The following ATF7 variants were observed in gnomAD, a reference collection of about 807,000 sequenced individuals.
ATF7 encodes cyclic AMP-dependent transcription factor ATF-7.
Under a neutral mutation model 50.4 loss-of-function variants are expected in ATF7, and 10 were observed. The ratio of observed to expected loss-of-function variants is 0.20; its 90% confidence interval spans 0.12 to 0.34. The LOEUF is 0.34. ATF7 is among the 10% of genes least tolerant of loss of function. The probability of loss-of-function intolerance (pLI) is 1.00; values close to 1 mark genes in which losing one functional copy is unlikely to be tolerated. For missense variants in ATF7, 465 were observed against 613.9 expected, an observed-to-expected ratio of 0.76 and a Z score of 2.56; for synonymous variants, 201 against 226.4, an observed-to-expected ratio of 0.89 and a Z score of 1.01.
chr12:53,586,329 A>C (rs1942678275), intron 2 of ATF7, among the ~76,000 whole-genome samples: 1 of 152,190 alleles, frequency 6.6e-6, no homozygotes, highest in African/African-American at 2.4e-5. Flanking sequence ...AAAATACCTG[A>C]AACTGAAGTA....
At chr12:53,619,517 A>C (rs1944289779) in intron 1 of ATF7, among the ~76,000 whole-genome samples, 2 of 150,896 alleles carry the variant, frequency 1.3e-5, no homozygotes, top group Admixed American at 6.6e-5. Flanking sequence ...AAAAAAAAGA[A>C]GAGTTTCCAA....
chr12:53,560,081 C>T (rs912613215), intron 2 of ATF7, among the ~76,000 whole-genome samples: 3 of 151,976 alleles, frequency 2.0e-5, no homozygotes, highest in Admixed American at 6.6e-5. Context: ...TGCCACCACA[C>T]CCGGCTAATT....
At chr12:53,586,059 T>C (rs1942667090) in intron 2 of ATF7, among the ~76,000 whole-genome samples, 1 of 152,214 alleles carries the variant, frequency 6.6e-6, no homozygotes, top group Non-Finnish European at 1.5e-5. Flanking sequence ...CATAAGGTCC[T>C]GTCTAGTTAT....
chr12:53,531,985 A>C (rs1402445372), intron 8 of ATF7, 89 bp from the exon 9 acceptor site: 1 of 1,437,704 alleles, frequency 7.0e-7, no homozygotes, highest in African/African-American at 1.4e-5. Context: ...TATTGACCTT[A>C]TAGATAGCTA....
chr12:53,552,555 G>A lies in ATF7; in HGVS notation c.131C>T (p.Ser44Leu), dbSNP rs748832822. The change falls in exon 3 of 12, where the codon TCA becomes TTA. Residue 44 changes from serine (S) to leucine (L), a missense_variant. Coordinates refer to ENST00000420353, the MANE Select transcript of ATF7 (RefSeq NM_006856.3). ...TLKFGPARTD[S>L]VIIADQTPTP... ...GCAGCAAATACCTGCAATGATGACTGAGTCAGTTCGGGCTGGGCCAAATTT... is the reference window on the plus strand; with the variant it reads ...GCAGCAAATACCTGCAATGATGACTAAGTCAGTTCGGGCTGGGCCAAATTT... 8 of 1,613,770 alleles carry A rather than the reference G, an allele frequency of 5.0e-6. No homozygotes were observed. In the South Asian group the frequency reaches 7.7e-5, roughly 16 times the overall value.
intron 1 of ATF7, among the ~76,000 whole-genome samples, chr12:53,611,588 TTTTTC>T (rs750217895): frequency 6.6e-6 from 1 of 152,112 alleles, no homozygotes; most frequent in Non-Finnish European, 1.5e-5. Flanking sequence ...AGTTTTTACA[TTTTTC>T]TTTTCTTTTC....
intron 7 of ATF7, 84 bp downstream of exon 7, chr12:53,533,076 G>T (rs1391642202): frequency 8.1e-7 from 1 of 1,235,886 alleles, no homozygotes; most frequent in Non-Finnish European, 1.2e-6. Context: ...TTTCCCTGGG[G>T]CTCATGTGTA....
chr12:53,610,465 T>C (rs1026220912), intron 1 of ATF7, among the ~76,000 whole-genome samples: 1 of 148,852 alleles, frequency 6.7e-6, no homozygotes, highest in African/African-American at 2.5e-5. Flanking sequence ...CTTGGGAGGG[T>C]GAGGTGGGAG....
intron 2 of ATF7, among the ~76,000 whole-genome samples, chr12:53,572,578 G>T (rs1348603789): frequency 2.6e-5 from 4 of 152,158 alleles, no homozygotes; most frequent in Non-Finnish European, 4.4e-5. Flanking sequence ...AAAGGGAAAA[G>T]TACAGTAGCC....
chr12:53,546,977 C>CTT (rs565759569), intron 3 of ATF7, among the ~76,000 whole-genome samples: 8 of 116,454 alleles, frequency 6.9e-5, no homozygotes, highest in Non-Finnish European at 9.2e-5. Context: ...CAGGCTGGCT[C>CTT]TTTTTTTTTT....
chr12:53,567,145 A>T (rs1359736499), intron 2 of ATF7, among the ~76,000 whole-genome samples: 4 of 152,164 alleles, frequency 2.6e-5, no homozygotes, highest in Non-Finnish European at 5.9e-5. Context: ...ATTCTACTTC[A>T]TTTTCTATCT....
intron 1 of ATF7, among the ~76,000 whole-genome samples, chr12:53,616,323 A>G (rs1316795661): frequency 6.6e-6 from 1 of 152,134 alleles, no homozygotes; most frequent in Non-Finnish European, 1.5e-5. Context: ...CCCAGGCTCA[A>G]GTAATCCTCC....
At chr12:53,609,161 T>TG (rs1943738538) in intron 1 of ATF7, among the ~76,000 whole-genome samples, 1 of 151,136 alleles carries the variant, frequency 6.6e-6, no homozygotes, top group East Asian at 1.9e-4. Context: ...TTTTTCCTTT[T>TG]TTTTTTTTTT....
chr12:53,613,031 A>G (rs1203441431), intron 1 of ATF7, among the ~76,000 whole-genome samples: 1 of 152,164 alleles, frequency 6.6e-6, no homozygotes, highest in African/African-American at 2.4e-5. Flanking sequence ...AGTGAGGCCA[A>G]TGCATTTTTA....
In ATF7 at chr12:53,620,766, GA is replaced by G. The variant is rs1310308450; in HGVS notation, c.-22+5512del. Among the ~76,000 whole-genome samples the G allele has an allele frequency of 4.1e-5, 6 of 147,988 alleles. No homozygotes were observed. The South Asian group carries it at 6.4e-4, about 16-fold the overall frequency. Reference sequence around the variant, plus strand: ...TTCGTCTCAAAAAAAAAAAGAAAAAGAAAAAAACCACAACCAAAAGACAGTA... The same window carrying G: ...TTCGTCTCAAAAAAAAAAAGAAAAAGAAAAAACCACAACCAAAAGACAGTA... On this transcript the variant is annotated intron_variant, in intron 1 of 11. Coordinates refer to ENST00000420353, the MANE Select transcript of ATF7 (RefSeq NM_006856.3).
At chr12:53,542,937 G>A in intron 4 of ATF7, 1 of 1,062,736 alleles carries the variant, frequency 9.4e-7, no homozygotes, top group Non-Finnish European at 1.1e-6. Context: ...AAAAAACAGT[G>A]TAGCTGAGAA....
intron 11 of ATF7, among the ~76,000 whole-genome samples, chr12:53,518,970 T>C (rs1030966194): frequency 8.1e-5 from 12 of 148,612 alleles, no homozygotes; most frequent in Admixed American, 2.7e-4. Flanking sequence ...AGGAGAATGG[T>C]GTGAACCCGG....
intron 2 of ATF7, among the ~76,000 whole-genome samples, chr12:53,569,670 A>AT (rs1217746006): frequency 6.7e-6 from 1 of 148,468 alleles, no homozygotes; most frequent in Non-Finnish European, 1.5e-5. Context: ...AGATGTTCAA[A>AT]TTTTTTTTTA....
At chr12:53,573,526 A>T (rs1015079944) in intron 2 of ATF7, among the ~76,000 whole-genome samples, 1 of 150,676 alleles carries the variant, frequency 6.6e-6, no homozygotes, top group Non-Finnish European at 1.5e-5. Flanking sequence ...ATTCTGCGGA[A>T]TTTTTTTTTT....
Sources: allele counts gnomAD v4.1 joint callset (sites outside exome capture counted in the v4.1 genomes callset), GRCh38; gene constraint gnomAD v4.1.1; transcripts MANE v1.5; gene names NCBI Gene and HGNC (gene_info 2026-07-23, HGNC 2026-07-21).